The following MAP3K13 variants were observed in gnomAD, a reference collection of about 807,000 sequenced individuals.
MAP3K13 encodes leucine zipper-bearing kinase.
In MAP3K13, 52 loss-of-function variants were observed where a neutral mutation model predicts 104.0. That is an observed-to-expected ratio of 0.50 (90% confidence interval 0.40 to 0.63). The LOEUF (loss-of-function observed/expected upper bound fraction) is 0.63. MAP3K13 is among the 20% of genes least tolerant of loss of function. The pLI is 0.00. For synonymous variants in MAP3K13, 394 were observed against 442.2 expected, an observed-to-expected ratio of 0.89 and a Z score of 1.37; for missense variants, 914 against 1,218.5, an observed-to-expected ratio of 0.75 and a Z score of 3.72.
At chr3:185,310,073 G>A (rs537115585) in intron 2 of MAP3K13, among the ~76,000 whole-genome samples, 2 of 152,330 alleles carry the variant, frequency 1.3e-5, no homozygotes, top group Admixed American at 6.5e-5. Flanking sequence ...TGCAGTGACT[G>A]CTGAAAGCTG....
At chr3:185,437,000 CAAAAAAAAAAAAAAAA>C (rs58819806) in intron 2 of MAP3K13, among the ~76,000 whole-genome samples, 28 of 36,962 alleles carry the variant, frequency 7.6e-4, no homozygotes, top group African/African-American at 2.5e-3. Flanking sequence ...GACTCTGTCT[CAAAAAAAAAAAAAAAA>C]AAAAAAAAAA....
At chr3:185,393,490 G>A (rs993832463) in intron 1 of MAP3K13, among the ~76,000 whole-genome samples, 5 of 146,196 alleles carry the variant, frequency 3.4e-5, no homozygotes, top group Admixed American at 2.1e-4. Flanking sequence ...ACGGAGTCTC[G>A]CTCTGTTGTC....
At chr3:185,453,795 TGA>T (rs1197790435) in intron 7 of MAP3K13, among the ~76,000 whole-genome samples, 1 of 61,330 alleles carries the variant, frequency 1.6e-5, no homozygotes, top group African/African-American at 4.5e-5. Context: ...TATATATATA[TGA>T]GATATATATA....
At chr3:185,295,291 C>T (rs901403698) in intron 2 of MAP3K13, among the ~76,000 whole-genome samples, 2 of 152,068 alleles carry the variant, frequency 1.3e-5, no homozygotes, top group South Asian at 2.1e-4. Flanking sequence ...CTGCAACCTC[C>T]GCCTCCCAGG....
chr3:185,444,648 C>T (rs1412311316), intron 4 of MAP3K13, among the ~76,000 whole-genome samples: 1 of 151,976 alleles, frequency 6.6e-6, no homozygotes, highest in African/African-American at 2.4e-5. Flanking sequence ...TAGTTAGTTC[C>T]CCAAATTGAA....
intron 10 of MAP3K13, among the ~76,000 whole-genome samples, chr3:185,471,617 G>A (rs906231057): frequency 5.9e-5 from 9 of 151,722 alleles, no homozygotes; most frequent in South Asian, 4.2e-4. Context: ...CCACCACCAC[G>A]CCTGGCTAAT....
intron 10 of MAP3K13, among the ~76,000 whole-genome samples, chr3:185,467,422 G>A (rs560601119): frequency 6.6e-6 from 1 of 152,260 alleles, no homozygotes; most frequent in East Asian, 1.9e-4. Context: ...CACACATTTA[G>A]TTCGTTCTTT....
chr3:185,355,681 A>G (rs78106795), intron 2 of MAP3K13, among the ~76,000 whole-genome samples: 1,930 of 152,228 alleles, frequency 0.013, 18 homozygotes, highest in Non-Finnish European at 0.02. Flanking sequence ...CTCAGAATTG[A>G]CTTTAAAATG....
At chr3:185,429,922 G>A (rs1714647782) in intron 2 of MAP3K13, among the ~76,000 whole-genome samples, 1 of 152,132 alleles carries the variant, frequency 6.6e-6, no homozygotes, top group African/African-American at 2.4e-5. Flanking sequence ...AAGTTTTGTT[G>A]GGCGTGGTGG....
At chr3:185,455,190 AGATATATATAT>A (rs1339637547) in intron 7 of MAP3K13, among the ~76,000 whole-genome samples, 1 of 100,966 alleles carries the variant, frequency 9.9e-6, no homozygotes, top group Non-Finnish European at 1.9e-5. Flanking sequence ...GATATATATG[AGATATATATAT>A]GATATATATG....
intron 2 of MAP3K13, among the ~76,000 whole-genome samples, chr3:185,341,437 A>G (rs567805266): frequency 1.3e-5 from 2 of 152,248 alleles, no homozygotes; most frequent in South Asian, 4.1e-4. Flanking sequence ...CAACACCTTG[A>G]TTTTGGAGTT....
rs572819395 is a variant in MAP3K13 at position 185,363,642 on chromosome 3, C to T, written c.-86+274C>T. ...TTACCTCGGATGCCTGCTTGGCTTT[C>T]CTTAAAGGGAGATTCATTTCTCTGA... On this transcript the variant is annotated intron_variant, in intron 1 of 13. Coordinates refer to ENST00000265026, the MANE Select transcript of MAP3K13 (RefSeq NM_004721.5). 2.3e-3 allele frequency among the ~76,000 whole-genome samples: 343 copies of T among 152,266 alleles called. 2 individuals carry two copies. Among genetic ancestry groups the T allele is most frequent in the African/African-American group, 7.8e-3 (325 of 41,546 alleles).
chr3:185,383,131 C>A (rs545930395), intron 1 of MAP3K13, among the ~76,000 whole-genome samples: 390 of 148,440 alleles, frequency 2.6e-3, no homozygotes, highest in African/African-American at 9.4e-3. Flanking sequence ...TTTGTTCTTG[C>A]GATAGTTTAC....
At chr3:185,320,570 C>A (rs895454449) in intron 2 of MAP3K13, among the ~76,000 whole-genome samples, 9 of 152,176 alleles carry the variant, frequency 5.9e-5, no homozygotes, top group Non-Finnish European at 1.0e-4. Context: ...AAAATTACAA[C>A]CTGACATAGG....
chr3:185,483,157 GACAA>G lies in MAP3K13; in HGVS notation c.*720_*723del, dbSNP rs575867323. 4.2e-4 allele frequency: 97 copies of G among 233,022 alleles called. No homozygotes were observed. The highest frequency in any genetic ancestry group is 7.2e-4 in the South Asian group (4 of 5,526). 14.4% of individuals were successfully genotyped at this position (233,022 alleles called of 1,614,324 possible). ...GTGCTTCCTCTAGGAGGGAAAAACA[GACAA>G]ACAAACAAACAAACAAACCTGTGTA... On this transcript the variant is annotated 3_prime_UTR_variant, in exon 14 of 14. Coordinates refer to ENST00000265026, the MANE Select transcript of MAP3K13 (RefSeq NM_004721.5).
In MAP3K13 at chr3:185,482,509, AC is replaced by A. The variant is rs71632066; in HGVS notation, c.*57del. On this transcript the variant is annotated 3_prime_UTR_variant, in exon 14 of 14. Coordinates refer to ENST00000265026, the MANE Select transcript of MAP3K13 (RefSeq NM_004721.5). The surrounding 1 kb of genome is among the most constrained non-coding windows in gnomAD (Gnocchi z 4.5). ...GTGACTATACTGGCATTTCAGATCC[AC>A]CCCACCCCCAGACTCATCCCACTCT... The A allele has an allele frequency of 5.2e-6, 7 of 1,354,996 alleles. No homozygotes were observed. In the East Asian group the frequency reaches 9.2e-5, roughly 18 times the overall value. The allele number at this position is 1,354,996 out of a possible 1,614,324, so 83.9% of individuals were successfully genotyped here.
In MAP3K13 at chr3:185,466,937, T is replaced by C. The variant is rs1717472539; in HGVS notation, c.1617T>C (p.Pro539=). Residue 539 remains proline, a synonymous_variant, in exon 10 of 14, where the codon CCT becomes CCC. Transcript: ENST00000265026. ...MEKLMKRKGV[P]HKSGMQTKRP... ...AACTCATGAAAAGGAAAGGAGTGCC[T>C]CACAAATCTGGGATGCAGACCAAAC... The C allele has an allele frequency of 1.2e-6, 2 of 1,613,808 alleles. No homozygotes were observed.
At chr3:185,478,910 CTT>C (rs1392626989) in intron 12 of MAP3K13, among the ~76,000 whole-genome samples, 2 of 151,630 alleles carry the variant, frequency 1.3e-5, no homozygotes, top group Admixed American at 6.6e-5. Context: ...AAACAAAACT[CTT>C]TAGACTAAGA....
chr3:185,447,751 TA>T, intron 4 of MAP3K13, 37 bp from the exon 5 acceptor site: 1 of 1,517,886 alleles, frequency 6.6e-7, no homozygotes, highest in Non-Finnish European at 9.0e-7. Context: ...TCGTTAGTAC[TA>T]ATGATCCAGA....
Sources: allele counts gnomAD v4.1 joint callset (sites outside exome capture counted in the v4.1 genomes callset), GRCh38; gene constraint gnomAD v4.1.1; non-coding constraint Gnocchi (gnomAD v3.1); transcripts MANE v1.5; gene names NCBI Gene and HGNC (gene_info 2026-07-23, HGNC 2026-07-21).